Variants in TRPM3 observed in about 807,000 individuals in gnomAD.
TRPM3 encodes the protein transient receptor potential cation channel subfamily M member 3.
A neutral mutation model predicts 181.2 loss-of-function variants in TRPM3; 77 were observed. That is an observed-to-expected ratio of 0.42 (90% CI 0.35 to 0.51). TRPM3 has a LOEUF of 0.51. Among genes scored for constraint, TRPM3 ranks in the 20% least tolerant of loss-of-function variants. The probability of loss-of-function intolerance (pLI) is 0.01; values close to 1 mark genes in which losing one functional copy is unlikely to be tolerated. For missense variants in TRPM3, 1,759 were observed against 2,196.7 expected, an observed-to-expected ratio of 0.80 and a Z score of 3.98; for synonymous variants, 745 against 796.4, an observed-to-expected ratio of 0.94 and a Z score of 1.09.
intron 22 of TRPM3, among the ~76,000 whole-genome samples, chr9:70,566,358 A>C (rs1048836034): frequency 1.3e-5 from 2 of 152,070 alleles, no homozygotes; most frequent in African/African-American, 2.4e-5. Flanking sequence ...TTAGAGCTAC[A>C]TCCTGTGAGC....
At chr9:70,942,020 G>A (rs1308482604) in intron 1 of TRPM3, among the ~76,000 whole-genome samples, 1 of 151,934 alleles carries the variant, frequency 6.6e-6, no homozygotes, top group Non-Finnish European at 1.5e-5. Context: ...CTCTAAAATT[G>A]TACTACATAC....
chr9:71,191,792 A>C (rs1486553959), intron 1 of TRPM3, among the ~76,000 whole-genome samples: 2 of 8,604 alleles, frequency 2.3e-4, no homozygotes, highest in Admixed American at 1.8e-3. Context: ...CAGAACATAT[A>C]AAAAAAAAAA....
intron 1 of TRPM3, among the ~76,000 whole-genome samples, chr9:71,365,050 A>T (rs1406079214): frequency 6.6e-6 from 1 of 152,212 alleles, no homozygotes; most frequent in African/African-American, 2.4e-5. Flanking sequence ...GAAGGGAAAA[A>T]AGGACAAAGA....
chr9:70,803,535 G>A (rs1281017929), intron 6 of TRPM3, among the ~76,000 whole-genome samples: 2 of 138,180 alleles, frequency 1.4e-5, no homozygotes, highest in African/African-American at 5.4e-5. Flanking sequence ...TGCAAGCTCC[G>A]CCTCCCAGGT....
At chr9:70,824,208 A>T (rs1236536758) in intron 6 of TRPM3, among the ~76,000 whole-genome samples, 1 of 151,606 alleles carries the variant, frequency 6.6e-6, no homozygotes, top group African/African-American at 2.4e-5. Flanking sequence ...GGGGAATGGA[A>T]CTTTAGCAAG....
chr9:70,609,201 A>C (rs1192046368), intron 19 of TRPM3, among the ~76,000 whole-genome samples: 1 of 152,208 alleles, frequency 6.6e-6, no homozygotes, highest in African/African-American at 2.4e-5. Flanking sequence ...GCACATGGTA[A>C]GAGGTGCAGA....
chr9:71,079,387 C>A (rs1343758314), intron 1 of TRPM3, among the ~76,000 whole-genome samples: 1 of 152,044 alleles, frequency 6.6e-6, no homozygotes, highest in African/African-American at 2.4e-5. Flanking sequence ...GGAACTTGTG[C>A]CAATCTTTAA....
At chr9:70,786,299 T>A in intron 6 of TRPM3, among the ~76,000 whole-genome samples, 1 of 48,946 alleles carries the variant, frequency 2.0e-5, no homozygotes. Flanking sequence ...ACCCTGTCAC[T>A]ACTAAAAATA....
chr9:71,009,822 C>T (rs1270548073), intron 1 of TRPM3, among the ~76,000 whole-genome samples: 1 of 152,112 alleles, frequency 6.6e-6, no homozygotes, highest in Non-Finnish European at 1.5e-5. Flanking sequence ...TACCTTTCTT[C>T]CAAATACATT....
At chr9:71,147,682 A>C (rs775763606) in intron 1 of TRPM3, among the ~76,000 whole-genome samples, 9 of 152,178 alleles carry the variant, frequency 5.9e-5, no homozygotes. Flanking sequence ...AATTTATCCC[A>C]TTTCAAGTGT....
chr9:71,105,295 T>C (rs1335181809), intron 1 of TRPM3, among the ~76,000 whole-genome samples: 1 of 152,156 alleles, frequency 6.6e-6, no homozygotes, highest in East Asian at 1.9e-4. Flanking sequence ...GCCAATCAGA[T>C]GTGGCCATGA....
At chr9:70,552,654 A>G (rs1479070855) in intron 24 of TRPM3, among the ~76,000 whole-genome samples, 190 bp downstream of exon 24, 3 of 152,124 alleles carry the variant, frequency 2.0e-5, no homozygotes, top group Non-Finnish European at 4.4e-5. Context: ...AGCCTCTACC[A>G]TCTTCTTTCT....
intron 1 of TRPM3, among the ~76,000 whole-genome samples, chr9:71,008,081 G>A (rs1454453427): frequency 6.6e-6 from 1 of 151,798 alleles, no homozygotes; most frequent in Non-Finnish European, 1.5e-5. Flanking sequence ...TAGAGATGAA[G>A]GAGACATTAC....
intron 11 of TRPM3, among the ~76,000 whole-genome samples, 178 bp downstream of exon 11, chr9:70,638,881 CA>C: frequency 6.6e-6 from 1 of 152,128 alleles, no homozygotes; most frequent in South Asian, 2.1e-4. Context: ...GCAATTAAAA[CA>C]AGCGGAATCT....
intron 1 of TRPM3, among the ~76,000 whole-genome samples, chr9:70,868,060 T>A (rs1008442370): frequency 2.0e-5 from 3 of 152,084 alleles, no homozygotes; most frequent in African/African-American, 7.2e-5. Context: ...TTAACAGACA[T>A]CATGTCTTAA....
intron 5 of TRPM3, among the ~76,000 whole-genome samples, chr9:70,828,427 A>G (rs2093684650): frequency 6.6e-6 from 1 of 152,172 alleles, no homozygotes; most frequent in Non-Finnish European, 1.5e-5. Flanking sequence ...CAGAACAATT[A>G]TAATTCTGGA....
chr9:70,803,078 A>G (rs1711829043), intron 6 of TRPM3, among the ~76,000 whole-genome samples: 1 of 146,724 alleles, frequency 6.8e-6, no homozygotes, highest in Non-Finnish European at 1.5e-5. Context: ...CAACTCCACC[A>G]ATTTTCTGAA....
intron 7 of TRPM3, chr9:70,776,327 G>A: frequency 1.6e-6 from 1 of 621,990 alleles, no homozygotes; most frequent in Non-Finnish European, 2.9e-6. Context: ...AGCTGGGGTA[G>A]GACACTGCAG....
chr9:71,218,681 C>T (rs1299156807), intron 1 of TRPM3, among the ~76,000 whole-genome samples: 1 of 152,178 alleles, frequency 6.6e-6, no homozygotes, highest in African/African-American at 2.4e-5. Flanking sequence ...ACCTATTATG[C>T]ACAAGTCACC....
Sources: allele counts gnomAD v4.1 joint callset (sites outside exome capture counted in the v4.1 genomes callset), GRCh38; gene constraint gnomAD v4.1.1; transcripts MANE v1.5; gene names NCBI Gene and HGNC (gene_info 2026-07-23, HGNC 2026-07-21).